The following TTC27 variants were observed in gnomAD, a reference collection of about 807,000 sequenced individuals.
The protein encoded by TTC27 is tetratricopeptide repeat domain 27, also known as tetratricopeptide repeat protein 27.
A neutral mutation model predicts 115.9 loss-of-function variants in TTC27; 79 were observed. That is an observed-to-expected ratio of 0.68 (90% confidence interval 0.57 to 0.82). The LOEUF is 0.82. Ranked by LOEUF, TTC27 falls within the 40% of genes least tolerant of loss-of-function variation. The probability of loss-of-function intolerance (pLI) is 0.00; values close to 1 mark genes in which losing one functional copy is unlikely to be tolerated. For missense variants in TTC27, 1,054 were observed against 993.1 expected, an observed-to-expected ratio of 1.06 and a Z score of -0.82; for synonymous variants, 401 against 356.0, an observed-to-expected ratio of 1.13 and a Z score of -1.42.
At chr2:32,697,575 G>A (rs574878371) in intron 9 of TTC27, among the ~76,000 whole-genome samples, 133 of 152,264 alleles carry the variant, frequency 8.7e-4, no homozygotes, top group South Asian at 2.5e-3. Flanking sequence ...ATTCAACAAA[G>A]ATGAACTTAT....
At chr2:32,725,822 C>G (rs757420835) in intron 10 of TTC27, among the ~76,000 whole-genome samples, 33 of 152,222 alleles carry the variant, frequency 2.2e-4, no homozygotes, top group Admixed American at 1.6e-3. Context: ...GCCCCTGCAG[C>G]AAACTTCTGC....
At chr2:32,780,197 T>C (rs1315166574) in intron 14 of TTC27, 3 of 392,970 alleles carry the variant, frequency 7.6e-6, no homozygotes, top group South Asian at 3.7e-5. Flanking sequence ...ATTTTTAGCT[T>C]TGTAAATTTC....
intron 8 of TTC27, among the ~76,000 whole-genome samples, chr2:32,675,203 A>G (rs1023426896): frequency 1.4e-4 from 21 of 152,224 alleles, no homozygotes; most frequent in African/African-American, 4.6e-4. Context: ...TCAGAATTAC[A>G]GAGTGGCAAT....
At chr2:32,759,571 G>A (rs1165188728) in intron 13 of TTC27, among the ~76,000 whole-genome samples, 3 of 152,068 alleles carry the variant, frequency 2.0e-5, no homozygotes, top group Non-Finnish European at 4.4e-5. Context: ...GGGCAACATA[G>A]TGAGACCTCA....
chr2:32,742,530 A>T (rs1285478365), intron 12 of TTC27, among the ~76,000 whole-genome samples: 1 of 152,258 alleles, frequency 6.6e-6, no homozygotes, highest in Non-Finnish European at 1.5e-5. Context: ...GTAGGAGTAG[A>T]CACCACTACA....
chr2:32,749,129 T>G (rs1314970231), intron 12 of TTC27, among the ~76,000 whole-genome samples: 1 of 152,246 alleles, frequency 6.6e-6, no homozygotes, highest in Non-Finnish European at 1.5e-5. Context: ...ACTTTCTTGT[T>G]TCTTTGCATT....
At chr2:32,628,781 AGACGGAG>A (rs1234585856) in intron 1 of TTC27, among the ~76,000 whole-genome samples, 1 of 149,260 alleles carries the variant, frequency 6.7e-6, no homozygotes, top group Admixed American at 6.7e-5. Context: ...TTATTTATTG[AGACGGAG>A]TTTTGCTTTT....
chr2:32,801,591 G>A (rs1670941734), intron 16 of TTC27, among the ~76,000 whole-genome samples: 1 of 152,164 alleles, frequency 6.6e-6, no homozygotes, highest in Middle Eastern at 3.2e-3. Context: ...AATTTTGGGG[G>A]AATGTTATTC....
chr2:32,631,805 C>T (rs558710536), intron 2 of TTC27, among the ~76,000 whole-genome samples: 10 of 151,434 alleles, frequency 6.6e-5, no homozygotes, highest in African/African-American at 2.2e-4. Context: ...TAATATTATT[C>T]ATTTTCTTTT....
At chr2:32,639,710 A>G (rs1204830055) in intron 3 of TTC27, among the ~76,000 whole-genome samples, 2 of 152,194 alleles carry the variant, frequency 1.3e-5, no homozygotes, top group African/African-American at 2.4e-5. Flanking sequence ...TTGTTTCTCT[A>G]AAGTTTGAAC....
chr2:32,629,788 TAA>T (rs749763981), intron 1 of TTC27, among the ~76,000 whole-genome samples: 2 of 152,154 alleles, frequency 1.3e-5, no homozygotes, highest in Non-Finnish European at 2.9e-5. Flanking sequence ...ACCAGAGAGA[TAA>T]AGAGTTAAAA....
At chr2:32,818,853 G>T (rs1671592335) in intron 19 of TTC27, among the ~76,000 whole-genome samples, 1 of 152,078 alleles carries the variant, frequency 6.6e-6, no homozygotes, top group African/African-American at 2.4e-5. Context: ...GATCTTTTCA[G>T]ATCAAGGCAT....
At chr2:32,635,435 C>G (rs902424799) in intron 3 of TTC27, 2 of 152,794 alleles carry the variant, frequency 1.3e-5, no homozygotes, top group African/African-American at 4.8e-5. Flanking sequence ...GCCTGTAATC[C>G]CAGCACTTTG....
intron 5 of TTC27, among the ~76,000 whole-genome samples, 196 bp from the exon 6 acceptor site, chr2:32,664,107 G>A (rs1665669467): frequency 1.3e-5 from 2 of 152,032 alleles, no homozygotes; most frequent in East Asian, 3.8e-4. Context: ...CTTAGCTCAT[G>A]TCTGGAGCAT....
rs532858455 is a variant in TTC27, at chr2:32,675,625, A to G, written c.1053-3231A>G. The stretch of plus-strand genomic sequence containing the variant: ...TGGTTAGAATAGTAATGAATTTATG[A>G]TTTGCATGTACTAAGTTACTGTGGG... On this transcript the variant is annotated intron_variant, in intron 8 of 19. Coordinates refer to ENST00000317907, the MANE Select transcript of TTC27 (RefSeq NM_017735.5). 4.7e-4 allele frequency among the ~76,000 whole-genome samples: 72 copies of G among 152,156 alleles called. 1 individual carries two copies. Among genetic ancestry groups the G allele is most frequent in the African/African-American group, 1.7e-3 (71 of 41,516 alleles).
intron 4 of TTC27, among the ~76,000 whole-genome samples, chr2:32,644,239 C>A (rs1214191214): frequency 1.3e-5 from 2 of 148,928 alleles, no homozygotes; most frequent in African/African-American, 2.5e-5. Flanking sequence ...GTAATCCTAG[C>A]TACTCAAGAG....
At chr2:32,703,322 C>A (rs905604843) in intron 10 of TTC27, among the ~76,000 whole-genome samples, 3 of 152,126 alleles carry the variant, frequency 2.0e-5, no homozygotes, top group Non-Finnish European at 4.4e-5. Context: ...CAAAAATTAG[C>A]CAGGCGTGGT....
At chr2:32,674,277 A>G (rs1403596506) in intron 8 of TTC27, among the ~76,000 whole-genome samples, 1 of 151,772 alleles carries the variant, frequency 6.6e-6, no homozygotes, top group African/African-American at 2.4e-5. Context: ...CAGCCTCCCA[A>G]GTAGCTAGGA....
Position 32,812,429 on chromosome 2 carries a change from A to G in TTC27, c.2197-75A>G, listed in dbSNP as rs556206603. ...TTTTTCACATTGGAATTAGTTCCAT[A>G]TGACTTCCAGGAAACAGAGTTTGAA... On this transcript the variant is annotated intron_variant, in intron 17 of 19. Transcript: ENST00000317907. 2.6e-5 allele frequency: 29 copies of G among 1,102,398 alleles called. No individual in the cohort carries two copies. The South Asian group carries it at 3.6e-4, about 14-fold the overall frequency. 68.3% of individuals were successfully genotyped at this position (1,102,398 alleles called of 1,614,324 possible).
Sources: allele counts gnomAD v4.1 joint callset (sites outside exome capture counted in the v4.1 genomes callset), GRCh38; gene constraint gnomAD v4.1.1; transcripts MANE v1.5; gene names NCBI Gene and HGNC (gene_info 2026-07-23, HGNC 2026-07-21).